MROH1: variants seen among roughly 807,000 people sequenced by gnomAD.
MROH1 encodes the protein maestro heat-like repeat-containing protein family member 1.
A neutral mutation model predicts 116.5 loss-of-function variants in MROH1; 117 were observed. The observed-to-expected ratio is 1.00, with a 90% CI of 0.86 to 1.17. MROH1 has a LOEUF of 1.17. Ranked by LOEUF, MROH1 falls within the 50% of genes most tolerant of loss-of-function variation. The pLI, the probability that MROH1 is intolerant of heterozygous loss-of-function variation, is 0.00. For missense variants in MROH1, 1,873 were observed against 1,338.5 expected, an observed-to-expected ratio of 1.40 and a Z score of -6.23; for synonymous variants, 921 against 583.9, an observed-to-expected ratio of 1.58 and a Z score of -8.32.
chr8:144,192,344 G>T lies in MROH1; in HGVS notation c.891G>T (p.Val297=). ...AGATCCTCGAGGCAGCTGTGAGTGT[G>T]GGCAGCCGCACACTGGAGACCCAGC... The part of the protein sequence containing the change: ...LGQILEAAVS[V]GSRTLETQLD... Residue 297 remains valine, a synonymous_variant, in exon 10 of 44, where the codon GTG becomes GTT. Transcript: ENST00000326134. 1 of 1,599,708 alleles carries T rather than the reference G, an allele frequency of 6.3e-7. No homozygotes were observed.
intron 11 of MROH1, among the ~76,000 whole-genome samples, chr8:144,199,737 G>A (rs1830688797): frequency 6.6e-6 from 1 of 151,312 alleles, no homozygotes; most frequent in Admixed American, 6.6e-5. Context: ...ACCCTGCTGG[G>A]GCCACAGCAT....
chr8:144,196,290 CAAAA>C (rs35458137), intron 10 of MROH1, among the ~76,000 whole-genome samples: 1 of 129,072 alleles, frequency 7.7e-6, no homozygotes, highest in East Asian at 2.2e-4. Flanking sequence ...ATTCCGTCTC[CAAAA>C]AAAAAAAAAA....
chr8:144,231,290 T>C lies in MROH1; in HGVS notation c.1339-7466T>C, dbSNP rs531531467. On this transcript the variant is annotated intron_variant, in intron 14 of 43. Transcript: ENST00000326134. ...CCTTTCTATTCCACAAAGCCGCCAT[T>C]GTCATCATGGCCCGTTCTCAATGAG... Among the ~76,000 whole-genome samples the C allele has an allele frequency of 3.7e-4, 56 of 152,128 alleles. No homozygotes were observed. The South Asian group carries it at 0.011, about 31-fold the overall frequency.
chr8:144,257,198 G>A (rs1268541741), intron 35 of MROH1, among the ~76,000 whole-genome samples: 1 of 152,240 alleles, frequency 6.6e-6, no homozygotes, highest in African/African-American at 2.4e-5. Context: ...TGGGCTCAAA[G>A]ATCAGGCCCC....
chr8:144,153,568 T>A (rs1342028576), intron 1 of MROH1, among the ~76,000 whole-genome samples: 1 of 152,176 alleles, frequency 6.6e-6, no homozygotes, highest in Non-Finnish European at 1.5e-5. Context: ...TATTTTGTTC[T>A]TTCTTTAAAT....
At chr8:144,174,204 G>C (rs916734863) in intron 4 of MROH1, among the ~76,000 whole-genome samples, 4 of 152,042 alleles carry the variant, frequency 2.6e-5, no homozygotes, top group African/African-American at 9.7e-5. Context: ...TGAAGGGTGG[G>C]GATCAATCAG....
chr8:144,204,182 C>G (rs1181236366), intron 12 of MROH1, among the ~76,000 whole-genome samples: 1 of 152,220 alleles, frequency 6.6e-6, no homozygotes, highest in Admixed American at 6.5e-5. Flanking sequence ...GCAGTCATAG[C>G]TTACTGTAGC....
intron 14 of MROH1, among the ~76,000 whole-genome samples, chr8:144,230,165 A>G (rs749984894): frequency 6.6e-6 from 1 of 152,136 alleles, no homozygotes; most frequent in African/African-American, 2.4e-5. Context: ...CTTAACCCTC[A>G]TGAACCAACC....
intron 14 of MROH1, among the ~76,000 whole-genome samples, chr8:144,233,339 C>T (rs553325906): frequency 2.1e-4 from 32 of 150,028 alleles, no homozygotes; most frequent in African/African-American, 7.2e-4. Flanking sequence ...TCCCCCGCAG[C>T]TCCTGCACCC....
In MROH1 at chr8:144,259,330, GACC is replaced by G. The variant is rs1844525306; in HGVS notation, c.4027_4029del (p.Thr1343del). On this transcript the variant is annotated inframe_deletion, in exon 37 of 44. Transcript: ENST00000326134. ...GCAGTGCGTATGAGAACCAGAGGGT[GACC>G]ACCACCGCCTTCCTGGCCGAGGTAG... The G allele has an allele frequency of 4.2e-6, 3 of 715,170 alleles. No homozygotes were observed. Among genetic ancestry groups the G allele is most frequent in the Non-Finnish European group, 5.2e-6 (2 of 384,892 alleles). 44.3% of individuals were successfully genotyped at this position (715,170 alleles called of 1,614,324 possible).
At chr8:144,195,517 A>G (rs1320194647) in intron 10 of MROH1, among the ~76,000 whole-genome samples, 2 of 147,116 alleles carry the variant, frequency 1.4e-5, no homozygotes, top group Non-Finnish European at 3.0e-5. Context: ...AAAAAAAAAA[A>G]AAAAAAAAGA....
chr8:144,180,585 C>T lies in MROH1; in HGVS notation c.562+62C>T. On this transcript the variant is annotated intron_variant, in intron 7 of 43. Coordinates refer to ENST00000326134, the MANE Select transcript of MROH1 (RefSeq NM_032450.3). The surrounding 1 kb of genome is among the most constrained non-coding windows in gnomAD (Gnocchi z 7.4). ...CCCTTTGTGGGGGGCTGTTCCCGGG[C>T]ATGCCTGTTTTAGGGGGGACAGGTG... 29 of 1,523,870 alleles carry T rather than the reference C, an allele frequency of 1.9e-5. No individual in the cohort carries two copies. The highest frequency in any genetic ancestry group is 2.6e-5 in the Non-Finnish European group (29 of 1,117,062). 94.4% of individuals were successfully genotyped at this position (1,523,870 alleles called of 1,614,324 possible).
Position 144,190,884 on chromosome 8 carries a change from C to G in MROH1, c.663C>G (p.Phe221Leu). 6.2e-7 allele frequency: 1 copy of G among 1,613,828 alleles called. No homozygotes were observed. ...VRKDAFATDI[F>L]SAYDVLFHQW... ...AGGACGCCTTTGCCACCGACATCTTCAGCGCCTACGATGTTCTCTTCCATC... is the reference window on the plus strand; with the variant it reads ...AGGACGCCTTTGCCACCGACATCTTGAGCGCCTACGATGTTCTCTTCCATC... The change falls in exon 8 of 44, where the codon TTC (phenylalanine) becomes TTG (leucine). Residue 221 changes from phenylalanine (F) to leucine (L), a missense_variant. By Grantham distance (22) the Phe-to-Leu change is conservative. Transcript: ENST00000326134.
At chr8:144,212,981 T>A (rs1419681011) in intron 12 of MROH1, 8 of 770,882 alleles carry the variant, frequency 1.0e-5, no homozygotes, top group South Asian at 9.4e-5. Flanking sequence ...ATTTGTTTGA[T>A]CTCGTTACAC....
At position 144,180,172 on chromosome 8, in the gene MROH1, G is replaced by A. The variant is rs770705072; in HGVS notation, c.301-6G>A. 2.9e-5 allele frequency: 46 copies of A among 1,613,694 alleles called. No individual in the cohort carries two copies. Among genetic ancestry groups the A allele is most frequent in the Non-Finnish European group, 3.6e-5 (43 of 1,179,786 alleles). Reference sequence around the variant, plus strand: ...TTTGGTCTACCTGCCGGTGTTTTGGGTTCAGGACCTGGTCTGGGACTGGCA... The same window carrying A: ...TTTGGTCTACCTGCCGGTGTTTTGGATTCAGGACCTGGTCTGGGACTGGCA... On this transcript the variant is annotated splice_region_variant and splice_polypyrimidine_tract_variant and intron_variant, in intron 5 of 43. Coordinates refer to ENST00000326134, the MANE Select transcript of MROH1 (RefSeq NM_032450.3). This position sits in a 1 kb window ranked among gnomAD's most constrained non-coding sequence, Gnocchi z 7.4.
At chr8:144,256,385 C>T (rs1315902379) in intron 35 of MROH1, among the ~76,000 whole-genome samples, 8 of 133,928 alleles carry the variant, frequency 6.0e-5, no homozygotes, top group Admixed American at 1.4e-4. Context: ...GGGGGACAGC[C>T]TCACTTCAGC....
At chr8:144,218,102 C>T (rs987741803) in intron 12 of MROH1, among the ~76,000 whole-genome samples, 5 of 152,150 alleles carry the variant, frequency 3.3e-5, no homozygotes, top group African/African-American at 1.2e-4. Context: ...CTGTGTCTTG[C>T]CCCATGGCTT....
At chr8:144,234,891 CTTT>C (rs781998549) in intron 14 of MROH1, among the ~76,000 whole-genome samples, 1 of 103,564 alleles carries the variant, frequency 9.7e-6, no homozygotes, top group Non-Finnish European at 1.8e-5. Context: ...CTTTTTCTTT[CTTT>C]TTTTTTTTTT....
In MROH1 at chr8:144,180,860, C is replaced by G. The variant is rs1403154317; in HGVS notation, c.562+337C>G. ...ACTCCAGGCTAGAAAAGTGTCCGCT[C>G]TCTGGGCATCCCAGGACCCAGGGGA... is the stretch of plus-strand genomic sequence containing the variant. On this transcript the variant is annotated intron_variant, in intron 7 of 43. Transcript: ENST00000326134. This position sits in a 1 kb window ranked among gnomAD's most constrained non-coding sequence, Gnocchi z 7.4. 6.6e-6 allele frequency among the ~76,000 whole-genome samples: 1 copy of G among 152,166 alleles called. No homozygotes were observed. Among genetic ancestry groups the G allele is most frequent in the Non-Finnish European group, 1.5e-5 (1 of 68,000 alleles).
Sources: gnomAD v4.1 joint callset for allele counts (sites outside exome capture counted in the v4.1 genomes callset) on GRCh38, gnomAD v4.1.1 for gene constraint, Gnocchi (gnomAD v3.1) non-coding constraint, MANE v1.5 for transcripts, NCBI Gene and HGNC (gene_info 2026-07-23, HGNC 2026-07-21) for gene names.